The following FSTL5 variants were observed in gnomAD, a reference collection of about 807,000 sequenced individuals.
The protein encoded by FSTL5 is follistatin-related protein 5.
A neutral mutation model predicts 89.1 loss-of-function variants in FSTL5; 62 were observed. That is an observed-to-expected ratio of 0.70 (90% CI 0.57 to 0.86). FSTL5 has a LOEUF of 0.86. FSTL5 is among the 40% of genes least tolerant of loss of function. The probability of loss-of-function intolerance (pLI) is 0.00; values close to 1 mark genes in which losing one functional copy is unlikely to be tolerated. For missense variants in FSTL5, 1,057 were observed against 1,001.6 expected (o/e 1.06, Z -0.75); for synonymous variants, 383 against 346.2 (o/e 1.11, Z -1.18).
chr4:162,022,653 T>A (rs1429298194), intron 3 of FSTL5: 1 of 152,100 alleles, frequency 6.6e-6, no homozygotes. Context: ...GAACCCCAAA[T>A]AGGGCCAACA....
intron 4 of FSTL5, among the ~76,000 whole-genome samples, chr4:161,821,650 T>A (rs894425124): frequency 4.6e-5 from 7 of 152,206 alleles, no homozygotes; most frequent in Admixed American, 1.3e-4. Context: ...CTCCCACTTA[T>A]GAGTGAGAAC....
chr4:162,108,412 G>GCT, intron 2 of FSTL5, among the ~76,000 whole-genome samples: 1 of 152,016 alleles, frequency 6.6e-6, no homozygotes, highest in South Asian at 2.1e-4. Flanking sequence ...GTAAAAATGA[G>GCT]CTCTATATAT....
chr4:161,898,630 CTTTT>C (rs773799106), intron 4 of FSTL5, among the ~76,000 whole-genome samples: 3 of 128,268 alleles, frequency 2.3e-5, no homozygotes, highest in African/African-American at 2.9e-5. Flanking sequence ...GTATTATATT[CTTTT>C]TTTTTTTTTT....
Position 161,437,652 on chromosome 4 carries a change from T to C in FSTL5, c.1841+17352A>G, listed in dbSNP as rs142763166. The stretch of plus-strand genomic sequence containing the variant: ...TCTTTTAAAGAGAATGGACACTTTA[T>C]CATATTTGAAGCAATGACTTAATTA... On this transcript the variant is annotated intron_variant, in intron 15 of 15. Coordinates refer to ENST00000306100, the MANE Select transcript of FSTL5 (RefSeq NM_020116.5). Among the ~76,000 whole-genome samples, 59 of 151,732 alleles carry C rather than the reference T, an allele frequency of 3.9e-4. No homozygotes were observed. In the East Asian group the frequency reaches 7.2e-3, roughly 19 times the overall value.
intron 7 of FSTL5, among the ~76,000 whole-genome samples, chr4:161,631,719 A>G (rs1325144441): frequency 6.6e-6 from 1 of 152,250 alleles, no homozygotes; most frequent in African/African-American, 2.4e-5. Context: ...TCAGGGTGCC[A>G]TAGAACCTCT....
chr4:161,574,753 G>A (rs1038488753), intron 8 of FSTL5, among the ~76,000 whole-genome samples: 1 of 151,946 alleles, frequency 6.6e-6, no homozygotes, highest in Admixed American at 6.6e-5. Flanking sequence ...TTTCATTGAT[G>A]GGCATTTGGG....
At chr4:161,767,699 T>A (rs975000243) in intron 5 of FSTL5, among the ~76,000 whole-genome samples, 4 of 152,172 alleles carry the variant, frequency 2.6e-5, no homozygotes, top group African/African-American at 7.2e-5. Context: ...TATTTTTAGT[T>A]CTTTCATTAC....
intron 12 of FSTL5, among the ~76,000 whole-genome samples, chr4:161,487,677 C>T (rs151319528): frequency 2.2e-3 from 328 of 152,022 alleles, no homozygotes; most frequent in African/African-American, 7.7e-3. Context: ...TTTATTCTAG[C>T]GCTCTCTCTC....
chr4:161,582,671 AT>A lies in FSTL5; in HGVS notation c.1015+4783del, dbSNP rs370014715. Among the ~76,000 whole-genome samples the A allele has an allele frequency of 4.2e-3, 636 of 152,224 alleles. 4 individuals are homozygous for A. Among genetic ancestry groups the A allele is most frequent in the African/African-American group, 0.014 (581 of 41,544 alleles). On this transcript the variant is annotated intron_variant, in intron 8 of 15. Coordinates refer to ENST00000306100, the MANE Select transcript of FSTL5 (RefSeq NM_020116.5). ...TGTTATTATAAAGTGTCATTATTCT[AT>A]TTTTTGTTTGGCAAAATATTTTGAT...
intron 3 of FSTL5, among the ~76,000 whole-genome samples, chr4:161,958,833 T>C (rs906006385): frequency 6.6e-6 from 1 of 152,160 alleles, no homozygotes; most frequent in African/African-American, 2.4e-5. Context: ...AGCTGAAGAC[T>C]TGAGAAATAA....
At chr4:162,112,167 A>G (rs1372918184) in intron 1 of FSTL5, among the ~76,000 whole-genome samples, 3 of 151,924 alleles carry the variant, frequency 2.0e-5, no homozygotes, top group Non-Finnish European at 4.4e-5. Flanking sequence ...TCGCCAACAC[A>G]CCTCCTTCCC....
intron 15 of FSTL5, among the ~76,000 whole-genome samples, chr4:161,397,912 T>C (rs1424136727): frequency 6.6e-6 from 1 of 151,968 alleles, no homozygotes; most frequent in East Asian, 1.9e-4. Flanking sequence ...AGATTCACAA[T>C]CTTATAAATA....
At chr4:162,045,400 A>G (rs1485149203) in intron 2 of FSTL5, among the ~76,000 whole-genome samples, 1 of 152,132 alleles carries the variant, frequency 6.6e-6, no homozygotes, top group African/African-American at 2.4e-5. Context: ...GCTCCAAAAC[A>G]GTAATAATTG....
chr4:161,514,219 AAAGT>A (rs909138635), intron 10 of FSTL5, among the ~76,000 whole-genome samples: 1 of 151,460 alleles, frequency 6.6e-6, no homozygotes, highest in African/African-American at 2.4e-5. Context: ...TTGGATAAAT[AAAGT>A]ATTACACACA....
At chr4:162,141,179 C>T (rs541790254) in intron 1 of FSTL5, among the ~76,000 whole-genome samples, 1 of 71,652 alleles carries the variant, frequency 1.4e-5, no homozygotes, top group African/African-American at 4.9e-5. Context: ...TGCAGTGGCG[C>T]GATCTCGACT....
intron 7 of FSTL5, among the ~76,000 whole-genome samples, chr4:161,654,046 G>T (rs1052686141): frequency 6.6e-6 from 1 of 151,994 alleles, no homozygotes; most frequent in African/African-American, 2.4e-5. Context: ...ATCCAATAAA[G>T]TGTATTTGTG....
At chr4:161,720,388 C>T in intron 6 of FSTL5, among the ~76,000 whole-genome samples, 1 of 151,832 alleles carries the variant, frequency 6.6e-6, no homozygotes, top group East Asian at 1.9e-4. Flanking sequence ...ATATGGAGAA[C>T]AGGAAACATT....
chr4:161,918,932 C>G (rs898615643), intron 4 of FSTL5, among the ~76,000 whole-genome samples: 3 of 152,114 alleles, frequency 2.0e-5, no homozygotes, highest in Admixed American at 6.6e-5. Flanking sequence ...GGTGAGCCAC[C>G]ATGCCAGGAC....
intron 7 of FSTL5, among the ~76,000 whole-genome samples, chr4:161,639,065 A>G (rs998610816): frequency 1.3e-5 from 2 of 151,922 alleles, no homozygotes; most frequent in African/African-American, 2.4e-5. Context: ...AAAAACTGGA[A>G]GCATTCCCTT....
Sources: allele counts gnomAD v4.1 joint callset (sites outside exome capture counted in the v4.1 genomes callset), GRCh38; gene constraint gnomAD v4.1.1; transcripts MANE v1.5; gene names NCBI Gene and HGNC (gene_info 2026-07-23, HGNC 2026-07-21).